KLC1: variants seen among roughly 807,000 people sequenced by gnomAD.
KLC1 encodes kinesin 2 60/70kDa.
A neutral mutation model predicts 84.2 loss-of-function variants in KLC1; 30 were observed. That is an observed-to-expected ratio of 0.36 (90% CI 0.27 to 0.48). The LOEUF (loss-of-function observed/expected upper bound fraction) is 0.48, where lower values mean the gene tolerates loss of function less well. Ranked by LOEUF, KLC1 falls within the 20% of genes least tolerant of loss-of-function variation. The pLI is 0.99. For missense variants in KLC1, 499 were observed against 805.4 expected (o/e 0.62, Z 4.60); for synonymous variants, 289 against 293.3 (o/e 0.99, Z 0.15).
intron 6 of KLC1, 96 bp downstream of exon 6, chr14:103,669,694 GT>G: frequency 2.3e-6 from 2 of 861,872 alleles, no homozygotes; most frequent in Non-Finnish European, 3.8e-6. Flanking sequence ...AACAGGGAAA[GT>G]TTAAGTGCTG....
intron 15 of KLC1, chr14:103,699,867 G>A (rs3212107): frequency 0.012 from 5,869 of 471,528 alleles, 271 homozygotes; most frequent in African/African-American, 0.11. Flanking sequence ...CTCTGTAGAG[G>A]TGTCCTTTGC....
intron 1 of KLC1, among the ~76,000 whole-genome samples, chr14:103,640,686 A>G (rs2077420079): frequency 6.6e-6 from 1 of 151,704 alleles, no homozygotes; most frequent in Non-Finnish European, 1.5e-5. Context: ...TACATATTGT[A>G]TGTATACTTT....
At chr14:103,664,950 G>C (rs1238341012) in intron 5 of KLC1, among the ~76,000 whole-genome samples, 1 of 151,406 alleles carries the variant, frequency 6.6e-6, no homozygotes. Context: ...TGCACAGCGT[G>C]CATGGGCACA....
intron 15 of KLC1, chr14:103,699,620 C>T (rs1187394907): frequency 1.6e-5 from 26 of 1,601,844 alleles, no homozygotes; most frequent in South Asian, 4.4e-5. Context: ...AGCAAGTCCC[C>T]GCCCCAGGTG....
chr14:103,629,827 C>A (rs1166485188), intron 1 of KLC1, among the ~76,000 whole-genome samples: 1 of 152,196 alleles, frequency 6.6e-6, no homozygotes, highest in Non-Finnish European at 1.5e-5. Flanking sequence ...GGCCCCGCAT[C>A]CCCGGCTTGG....
At position 103,693,581 on chromosome 14, in the gene KLC1, G is replaced by T. The variant is rs937539634; in HGVS notation, c.1848+1156G>T. The T allele has an allele frequency of 6.5e-7, 1 of 1,535,916 alleles. No individual in the cohort carries two copies. The highest frequency in any genetic ancestry group is 8.7e-7 in the Non-Finnish European group (1 of 1,146,898). On this transcript the variant is annotated intron_variant, in intron 15 of 16. Coordinates refer to ENST00000334553, the MANE Select transcript of KLC1 (RefSeq NM_001394837.1). The surrounding 1 kb of genome is among the most constrained non-coding windows in gnomAD (Gnocchi z 5.1). ...CGAAATAATTGTCTGGCCGACTCGC[G>T]AGCTCTGAGTGCCAGCCACACTGAC...
intron 13 of KLC1, among the ~76,000 whole-genome samples, chr14:103,680,324 T>C (rs1197647489): frequency 1.3e-5 from 2 of 152,116 alleles, no homozygotes; most frequent in African/African-American, 4.8e-5. Flanking sequence ...GTATTTTACT[T>C]TTGTCAGGGA....
intron 5 of KLC1, among the ~76,000 whole-genome samples, chr14:103,665,856 C>T (rs2079738385): frequency 2.0e-5 from 3 of 152,326 alleles, no homozygotes; most frequent in Admixed American, 6.5e-5. Context: ...ATGCTTCTGC[C>T]GCACAGGCGC....
At chr14:103,692,017 G>T (rs1417436783) in intron 14 of KLC1, among the ~76,000 whole-genome samples, 1 of 152,194 alleles carries the variant, frequency 6.6e-6, no homozygotes, top group East Asian at 1.9e-4. Context: ...TGATCCTCCT[G>T]CCTTGGCCTT....
At chr14:103,676,272 C>CT (rs961066465) in intron 11 of KLC1, among the ~76,000 whole-genome samples, 3 of 151,922 alleles carry the variant, frequency 2.0e-5, no homozygotes, top group African/African-American at 7.3e-5. Flanking sequence ...TCTTTCCACT[C>CT]TATTTTTTTT....
intron 3 of KLC1, among the ~76,000 whole-genome samples, chr14:103,660,707 T>A (rs2079207767): frequency 6.7e-6 from 1 of 149,390 alleles, no homozygotes. Flanking sequence ...CATGGAATTG[T>A]TTGAACCTGG....
chr14:103,636,277 A>C (rs1320035916), intron 1 of KLC1, among the ~76,000 whole-genome samples: 4 of 152,054 alleles, frequency 2.6e-5, no homozygotes, highest in Admixed American at 1.3e-4. Flanking sequence ...GCTGGAGTGC[A>C]GTGGCACGAT....
At position 103,662,890 on chromosome 14, in the gene KLC1, G is replaced by A. The variant is rs2079403954; in HGVS notation, c.760G>A (p.Val254Met). 6.2e-6 allele frequency: 10 copies of A among 1,613,340 alleles called. No individual in the cohort carries two copies. The highest frequency in any genetic ancestry group is 1.3e-5 in the African/African-American group (1 of 74,850). The part of the protein sequence containing the change: ...EKTSGHDHPD[V>M]ATMLNILALV... ...GACTTCAGGACACGACCACCCGGAC[G>A]TGGCCACCATGCTCAACATCCTGGC... The change falls in exon 5 of 17, where the codon GTG becomes ATG. Residue 254 changes from valine to methionine, a missense_variant. Physicochemically the swap from Val to Met is conservative, Grantham distance 21 (BLOSUM62 1). Coordinates refer to ENST00000334553, the MANE Select transcript of KLC1 (RefSeq NM_001394837.1).
Position 103,699,829 on chromosome 14 carries a change from G to C in KLC1, c.1849-826G>C, listed in dbSNP as rs143369430. 1,790 of 549,980 alleles carry C rather than the reference G, an allele frequency of 3.3e-3. 8 individuals are homozygous for C. The highest frequency in any genetic ancestry group is 6.9e-3 in the Middle Eastern group (14 of 2,024). 34.1% of individuals were successfully genotyped at this position (549,980 alleles called of 1,614,324 possible). A position where few individuals can be genotyped will look rare whatever the true frequency, so the allele number is the denominator to read the frequency against. On this transcript the variant is annotated intron_variant, in intron 15 of 16. Coordinates refer to ENST00000334553, the MANE Select transcript of KLC1 (RefSeq NM_001394837.1). ...GTCCTTCCTCTGGCCCCCCCAGGCAGTCACCCCTTGGCTGTGCCAACACCG... is the reference window on the plus strand; with the variant it reads ...GTCCTTCCTCTGGCCCCCCCAGGCACTCACCCCTTGGCTGTGCCAACACCG...
rs556054827 is a variant in KLC1, at chr14:103,686,006, T to C, written c.1651-1075T>C. 1.0e-5 allele frequency: 11 copies of C among 1,091,302 alleles called. No individual in the cohort carries two copies. The South Asian group carries it at 2.3e-4, about 22-fold the overall frequency. 67.6% of individuals were successfully genotyped at this position (1,091,302 alleles called of 1,614,324 possible). A position where few individuals can be genotyped will look rare whatever the true frequency, so the allele number is the denominator to read the frequency against. On this transcript the variant is annotated intron_variant, in intron 13 of 16. Coordinates refer to ENST00000334553, the MANE Select transcript of KLC1 (RefSeq NM_001394837.1). ...CATGACGGTGACCTGTTGACGTAAC[T>C]AAGCCTTACAGCAAGGCATGTGCCG...
intron 13 of KLC1, chr14:103,682,894 GCCTAGAAGGCATTT>G (rs997860771): frequency 1.3e-5 from 2 of 150,662 alleles, no homozygotes; most frequent in Non-Finnish European, 2.9e-5. Context: ...TCCTGCCTCA[GCCTAGAAGGCATTT>G]TAATGCTTTT....
intron 15 of KLC1, chr14:103,696,502 T>C: frequency 1.0e-6 from 1 of 985,424 alleles, no homozygotes; most frequent in Non-Finnish European, 1.2e-6. Context: ...TTTTCCATTG[T>C]CATAACTGTA....
intron 2 of KLC1, among the ~76,000 whole-genome samples, 164 bp downstream of exon 2, chr14:103,654,989 G>C (rs1377552298): frequency 6.6e-6 from 1 of 152,154 alleles, no homozygotes; most frequent in Non-Finnish European, 1.5e-5. Context: ...CACTTTGGGA[G>C]GCTGAGGCAG....
intron 3 of KLC1, among the ~76,000 whole-genome samples, chr14:103,658,708 A>C (rs778954252): frequency 3.8e-4 from 50 of 133,014 alleles, no homozygotes; most frequent in Non-Finnish European, 5.1e-4. Context: ...CCCAGGCTGG[A>C]GTGCAGTGGC....
Sources: allele counts gnomAD v4.1 joint callset (sites outside exome capture counted in the v4.1 genomes callset), GRCh38; gene constraint gnomAD v4.1.1; non-coding constraint Gnocchi (gnomAD v3.1); transcripts MANE v1.5; gene names NCBI Gene and HGNC (gene_info 2026-07-23, HGNC 2026-07-21).